The following TRHDE variants were observed in gnomAD, a reference collection of about 807,000 sequenced individuals.
The protein encoded by TRHDE is thyrotropin-releasing hormone-degrading ectoenzyme.
A neutral mutation model predicts 125.7 loss-of-function variants in TRHDE; 72 were observed. That is an observed-to-expected ratio of 0.57 (90% confidence interval 0.47 to 0.70). The LOEUF (loss-of-function observed/expected upper bound fraction) is 0.70, where lower values mean the gene tolerates loss of function less well. TRHDE is among the 30% of genes least tolerant of loss of function. The probability of loss-of-function intolerance (pLI) is 0.00; values close to 1 mark genes in which losing one functional copy is unlikely to be tolerated. For synonymous variants in TRHDE, 509 were observed against 509.1 expected, an observed-to-expected ratio of 1.00 and a Z score of 0.00; for missense variants, 1,110 against 1,327.1, an observed-to-expected ratio of 0.84 and a Z score of 2.54.
At chr12:72,265,175 A>G (rs966127788) in intron 2 of TRHDE, among the ~76,000 whole-genome samples, 3 of 151,904 alleles carry the variant, frequency 2.0e-5, no homozygotes, top group Admixed American at 6.6e-5. Flanking sequence ...AAGCATACTA[A>G]CATATTTAGA....
At chr12:72,544,527 A>G (rs1331025689) in intron 7 of TRHDE, among the ~76,000 whole-genome samples, 1 of 151,094 alleles carries the variant, frequency 6.6e-6, no homozygotes, top group African/African-American at 2.4e-5. Flanking sequence ...ATATGTTTTT[A>G]TTCTCCCCCC....
intron 6 of TRHDE, among the ~76,000 whole-genome samples, chr12:72,525,256 A>G (rs554041076): frequency 6.6e-6 from 1 of 152,134 alleles, no homozygotes; most frequent in Non-Finnish European, 1.5e-5. Context: ...AAAAGCTAGA[A>G]TCTCCATTTA....
chr12:72,344,195 A>G (rs1395728503), intron 2 of TRHDE, among the ~76,000 whole-genome samples: 1 of 152,106 alleles, frequency 6.6e-6, no homozygotes, highest in Non-Finnish European at 1.5e-5. Flanking sequence ...GTCTTATGAT[A>G]CAGAAATAAA....
In TRHDE at chr12:72,380,698, G is replaced by GCTTCCTTCCTTC. The variant is rs199912564; in HGVS notation, c.1315+2601_1315+2612dup. The stretch of plus-strand genomic sequence containing the variant: ...GATCATGGACCGCCAGCAGGCTGCA[G>GCTTCCTTCCTTC]CTTCCTTCCTTCCTTCCTTCCTTCC... On this transcript the variant is annotated intron_variant, in intron 3 of 18. Coordinates refer to ENST00000261180, the MANE Select transcript of TRHDE (RefSeq NM_013381.3). Among the ~76,000 whole-genome samples the GCTTCCTTCCTTC allele has an allele frequency of 7.4e-3, 978 of 132,046 alleles. 40 individuals are homozygous for GCTTCCTTCCTTC. Among genetic ancestry groups the GCTTCCTTCCTTC allele is most frequent in the African/African-American group, 0.031 (913 of 29,350 alleles). 86.6% of individuals were successfully genotyped at this position (132,046 alleles called of 152,430 possible). A position where few individuals can be genotyped will look rare whatever the true frequency, so the allele number is the denominator to read the frequency against.
intron 12 of TRHDE, among the ~76,000 whole-genome samples, chr12:72,594,746 C>T (rs894876927): frequency 6.6e-6 from 1 of 151,906 alleles, no homozygotes; most frequent in South Asian, 2.1e-4. Context: ...ACATTTGACC[C>T]AGCCATCCCA....
chr12:72,308,323 C>T (rs1241041108), intron 2 of TRHDE, among the ~76,000 whole-genome samples: 4 of 151,724 alleles, frequency 2.6e-5, no homozygotes, highest in African/African-American at 4.8e-5. Context: ...TGAGAGAGGT[C>T]GTTTAATGGT....
chr12:72,315,831 C>T (rs1235267471), intron 2 of TRHDE, among the ~76,000 whole-genome samples: 4 of 152,178 alleles, frequency 2.6e-5, no homozygotes, highest in African/African-American at 4.8e-5. Flanking sequence ...AGCATTATTG[C>T]CATGTAGCTT....
chr12:72,399,536 A>G (rs908339394), intron 3 of TRHDE, among the ~76,000 whole-genome samples: 1 of 152,176 alleles, frequency 6.6e-6, no homozygotes, highest in Admixed American at 6.5e-5. Context: ...AAGAACATAA[A>G]TGTCAATGTT....
At chr12:72,469,331 A>T (rs1327048045) in intron 3 of TRHDE, among the ~76,000 whole-genome samples, 1 of 152,244 alleles carries the variant, frequency 6.6e-6, no homozygotes, top group Non-Finnish European at 1.5e-5. Context: ...TTTAAAACAG[A>T]TATAAAATGT....
intron 1 of TRHDE, among the ~76,000 whole-genome samples, chr12:72,282,894 TG>T (rs1879747279): frequency 6.6e-6 from 1 of 152,198 alleles, no homozygotes. Flanking sequence ...CCATCTCAAC[TG>T]GGGAGAGATG....
At chr12:72,089,082 C>CT (rs1430989289) in intron 1 of TRHDE, among the ~76,000 whole-genome samples, 1 of 152,134 alleles carries the variant, frequency 6.6e-6, no homozygotes, top group Non-Finnish European at 1.5e-5. Flanking sequence ...GATGGCAACT[C>CT]TATCTAGTTT....
At chr12:72,313,259 C>T (rs1565694537) in intron 2 of TRHDE, among the ~76,000 whole-genome samples, 1 of 151,790 alleles carries the variant, frequency 6.6e-6, no homozygotes, top group African/African-American at 2.4e-5. Flanking sequence ...ACCTGATAGA[C>T]CAAATATTCA....
chr12:72,152,553 T>G (rs1244021367), intron 2 of TRHDE, among the ~76,000 whole-genome samples: 2 of 152,208 alleles, frequency 1.3e-5, no homozygotes, highest in Non-Finnish European at 2.9e-5. Flanking sequence ...TAGCTCTTAT[T>G]ATTTTGAGAT....
chr12:72,114,710 T>A (rs1300089519), intron 2 of TRHDE, among the ~76,000 whole-genome samples: 4 of 151,990 alleles, frequency 2.6e-5, no homozygotes, highest in African/African-American at 4.8e-5. Context: ...GGAGGTGAGA[T>A]GGAAGAAGGC....
At chr12:72,174,586 A>G (rs1217197206) in intron 2 of TRHDE, among the ~76,000 whole-genome samples, 1 of 151,454 alleles carries the variant, frequency 6.6e-6, no homozygotes, top group Non-Finnish European at 1.5e-5. Context: ...TCCTTAGCCT[A>G]TTTTTTTTCC....
chr12:72,346,679 C>G (rs1468434831), intron 2 of TRHDE, among the ~76,000 whole-genome samples: 1 of 152,020 alleles, frequency 6.6e-6, no homozygotes, highest in African/African-American at 2.4e-5. Flanking sequence ...CAAAGAGGCT[C>G]TCGTTTGCTG....
intron 3 of TRHDE, among the ~76,000 whole-genome samples, chr12:72,441,150 A>G (rs774128887): frequency 6.6e-6 from 1 of 151,826 alleles, no homozygotes; most frequent in South Asian, 2.1e-4. Flanking sequence ...CAATGGATAA[A>G]TTTTAACTAC....
rs555370493 is a variant in TRHDE at position 72,438,729 on chromosome 12, A to AT, written c.1316-31023dup. Among the ~76,000 whole-genome samples the AT allele has an allele frequency of 3.2e-4, 49 of 151,836 alleles. No homozygotes were observed. The East Asian group carries it at 8.7e-3, about 27-fold the overall frequency. On this transcript the variant is annotated intron_variant, in intron 3 of 18. Coordinates refer to ENST00000261180, the MANE Select transcript of TRHDE (RefSeq NM_013381.3). ...ATATTTTTGCAAAATTTTTGAAAAT[A>AT]TTTTTTGTTCACTCTGTTATTACCT... is the stretch of plus-strand genomic sequence containing the variant.
chr12:72,603,047 C>G (rs912019807), intron 12 of TRHDE, among the ~76,000 whole-genome samples: 3 of 152,116 alleles, frequency 2.0e-5, no homozygotes, highest in Non-Finnish European at 2.9e-5. Flanking sequence ...ATATACCCAT[C>G]TATGTGAGTT....
Sources: allele counts gnomAD v4.1 joint callset (sites outside exome capture counted in the v4.1 genomes callset), GRCh38; gene constraint gnomAD v4.1.1; transcripts MANE v1.5; gene names NCBI Gene and HGNC (gene_info 2026-07-23, HGNC 2026-07-21).